Variants in ANO3 observed in about 807,000 individuals in gnomAD.
The protein encoded by ANO3 is anoctamin 3.
ANO3 carries 99 observed loss-of-function variants against 144.8 expected under a neutral mutation model. That is an observed-to-expected ratio of 0.68 (90% CI 0.58 to 0.81). ANO3 has a LOEUF of 0.81. Among genes scored for constraint, ANO3 ranks in the 30% least tolerant of loss-of-function variants. ANO3 has a pLI of 0.00. For missense variants in ANO3, 905 were observed against 1,202.2 expected (o/e 0.75, Z 3.66); for synonymous variants, 414 against 392.6 (o/e 1.05, Z -0.64).
At chr11:26,229,002 C>T (rs974443783) in intron 1 of ANO3, among the ~76,000 whole-genome samples, 2 of 152,172 alleles carry the variant, frequency 1.3e-5, no homozygotes, top group African/African-American at 4.8e-5. Context: ...GCTAAAACTG[C>T]CATTTCCGTT....
rs546950443 is a variant in ANO3 at position 26,530,267 on chromosome 11, G to C, written c.738-938G>C. On this transcript the variant is annotated intron_variant, in intron 7 of 26. Transcript: ENST00000256737. ...TAAATAACTTGTACAAGTTTACGTG[G>C]CTAGCACAGTGCAATAAATTATAAC... Among the ~76,000 whole-genome samples, 24 of 152,216 alleles carry C rather than the reference G, an allele frequency of 1.6e-4. 1 individual carries two copies. The South Asian group carries it at 2.1e-3, about 13-fold the overall frequency.
rs1366213369 is a variant in ANO3 at position 26,602,168 on chromosome 11, T to G, written c.1836+2454T>G. Among the ~76,000 whole-genome samples, 3 of 152,184 alleles carry G rather than the reference T, an allele frequency of 2.0e-5. No homozygotes were observed. The East Asian group carries it at 5.8e-4, about 29-fold the overall frequency. On this transcript the variant is annotated intron_variant, in intron 17 of 26. Transcript: ENST00000256737. Reference sequence around the variant, plus strand: ...TGTTTGAAGAAATTCAACCCACAGATGGACAGAAGCACAGAAATGCATGTT... The same window carrying G: ...TGTTTGAAGAAATTCAACCCACAGAGGGACAGAAGCACAGAAATGCATGTT...
intron 17 of ANO3, among the ~76,000 whole-genome samples, chr11:26,604,044 C>CTTATTTAT (rs200761473): frequency 0.031 from 4,651 of 152,170 alleles, 101 homozygotes; most frequent in Non-Finnish European, 0.049. Flanking sequence ...AACACTAGAA[C>CTTATTTAT]TTATTTATTC....
At chr11:26,602,472 A>G (rs1851825472) in intron 17 of ANO3, among the ~76,000 whole-genome samples, 1 of 152,166 alleles carries the variant, frequency 6.6e-6, no homozygotes, top group Non-Finnish European at 1.5e-5. Flanking sequence ...CATGCCTGCA[A>G]TCCCAACACT....
At chr11:26,554,964 A>G (rs1364980146) in intron 13 of ANO3, among the ~76,000 whole-genome samples, 4 of 152,074 alleles carry the variant, frequency 2.6e-5, no homozygotes, top group African/African-American at 4.8e-5. Flanking sequence ...CTCTTACTCC[A>G]TCTTTTCCAG....
chr11:26,395,575 G>C (rs1287170950), intron 1 of ANO3, among the ~76,000 whole-genome samples: 1 of 152,030 alleles, frequency 6.6e-6, no homozygotes, highest in Non-Finnish European at 1.5e-5. Context: ...TTGGCTCTCT[G>C]TTTGTCTATT....
Position 26,463,879 on chromosome 11 carries a change from C to T in ANO3, c.432+731C>T, listed in dbSNP as rs545507374. ...CTTTTGATGATTTTCACGACAAATC[C>T]TAGCTCAGGATAAGCTCACTTTTTT... On this transcript the variant is annotated intron_variant, in intron 4 of 26. Transcript: ENST00000256737. 1.6e-4 allele frequency among the ~76,000 whole-genome samples: 24 copies of T among 151,618 alleles called. 1 individual carries two copies. In the East Asian group the frequency reaches 4.5e-3, roughly 28 times the overall value.
At position 26,508,151 on chromosome 11, in the gene ANO3, C is replaced by A; in HGVS notation, c.480C>A (p.Gly160=). ...IASSGPLFKD[G]KKRIDYILVY... is the part of the protein sequence containing the mutation. ...CCAGTGGACCTCTGTTCAAAGATGGCAAAAAGAGAATTGATTACATCTTGG... is the reference window on the plus strand; with the variant it reads ...CCAGTGGACCTCTGTTCAAAGATGGAAAAAAGAGAATTGATTACATCTTGG... The change falls in exon 5 of 27, where the codon GGC becomes GGA. Residue 160 remains glycine, a synonymous_variant. Transcript: ENST00000256737. 6.3e-7 allele frequency: 1 copy of A among 1,593,278 alleles called. No homozygotes were observed. Among genetic ancestry groups the A allele is most frequent in the Non-Finnish European group, 8.5e-7 (1 of 1,173,752 alleles).
intron 14 of ANO3, among the ~76,000 whole-genome samples, chr11:26,577,597 G>T (rs975586517): frequency 1.3e-5 from 2 of 149,968 alleles, no homozygotes; most frequent in African/African-American, 4.9e-5. Flanking sequence ...GAGAGAGAAA[G>T]TATTACAGCA....
chr11:26,590,138 GAAAC>G (rs1052695273), intron 14 of ANO3, among the ~76,000 whole-genome samples: 4 of 152,130 alleles, frequency 2.6e-5, no homozygotes, highest in African/African-American at 7.2e-5. Context: ...TCTCCCTGAT[GAAAC>G]AAACAAACAA....
intron 1 of ANO3, among the ~76,000 whole-genome samples, chr11:26,227,899 G>A (rs779251405): frequency 8.5e-5 from 13 of 152,218 alleles, no homozygotes; most frequent in African/African-American, 1.7e-4. Context: ...CAATGTTGTG[G>A]TCAGTGTGAT....
intron 7 of ANO3, among the ~76,000 whole-genome samples, chr11:26,531,002 T>G (rs1170119054): frequency 6.6e-6 from 1 of 152,262 alleles, no homozygotes; most frequent in Non-Finnish European, 1.5e-5. Context: ...TGGAAGAGTT[T>G]AAACAACTGC....
chr11:26,326,581 G>A (rs17243245), intron 1 of ANO3, among the ~76,000 whole-genome samples: 3,906 of 152,062 alleles, frequency 0.026, 75 homozygotes, highest in Admixed American at 0.057. Context: ...TCTTATAACC[G>A]GCCTGGTCAT....
chr11:26,414,146 T>C (rs67127609), intron 1 of ANO3, among the ~76,000 whole-genome samples: 24,282 of 152,090 alleles, frequency 0.16, 2,124 homozygotes, highest in South Asian at 0.3. Context: ...TTGGTGGGAA[T>C]GTAAATTAGT....
intron 1 of ANO3, among the ~76,000 whole-genome samples, chr11:26,357,544 G>T (rs1855815130): frequency 6.6e-6 from 1 of 151,408 alleles, no homozygotes; most frequent in Non-Finnish European, 1.5e-5. Flanking sequence ...TTTAAATCAG[G>T]TCATCAGTGT....
chr11:26,436,873 G>A (rs1858314678), intron 1 of ANO3, among the ~76,000 whole-genome samples: 1 of 152,100 alleles, frequency 6.6e-6, no homozygotes, highest in South Asian at 2.1e-4. Context: ...ACCTCAGTTA[G>A]GAGATTCGTC....
chr11:26,602,413 C>G (rs543403082), intron 17 of ANO3, among the ~76,000 whole-genome samples: 2 of 151,666 alleles, frequency 1.3e-5, no homozygotes, highest in African/African-American at 4.8e-5. Context: ...ATACATTTAT[C>G]GATATAAAGG....
intron 1 of ANO3, among the ~76,000 whole-genome samples, chr11:26,365,682 T>G (rs1430621430): frequency 6.6e-6 from 1 of 152,190 alleles, no homozygotes. Flanking sequence ...GAGCTGAGGC[T>G]GAAGCCAGAG....
chr11:26,418,898 C>G (rs73445735), intron 1 of ANO3, among the ~76,000 whole-genome samples: 2 of 152,232 alleles, frequency 1.3e-5, no homozygotes, highest in African/African-American at 4.8e-5. Context: ...TGGACTAATA[C>G]AGAAAACTGG....
Sources: gnomAD v4.1 joint callset for allele counts (sites outside exome capture counted in the v4.1 genomes callset) on GRCh38, gnomAD v4.1.1 for gene constraint, MANE v1.5 for transcripts, NCBI Gene and HGNC (gene_info 2026-07-23, HGNC 2026-07-21) for gene names.